The following PVT1 variants were observed in gnomAD, a reference collection of about 807,000 sequenced individuals.
PVT1 encodes the protein Pvt1 oncogene.
At chr8:128,065,644 C>T (rs1330994068) in intron 4 of PVT1, among the ~76,000 whole-genome samples, 2 of 152,150 alleles carry the variant, frequency 1.3e-5, no homozygotes, top group Non-Finnish European at 2.9e-5. Context: ...TAGTATCTGT[C>T]AAGACCAGTC....
chr8:127,969,893 C>T (rs550845897), intron 3 of PVT1, among the ~76,000 whole-genome samples: 2 of 152,212 alleles, frequency 1.3e-5, no homozygotes, highest in South Asian at 4.1e-4. Flanking sequence ...AGCTTGTCTG[C>T]AGAGGACAGA....
At chr8:128,074,519 TAAAA>T (rs35127174) in intron 5 of PVT1, among the ~76,000 whole-genome samples, 2 of 122,838 alleles carry the variant, frequency 1.6e-5, no homozygotes, top group Non-Finnish European at 1.8e-5. Context: ...TGAGACTGTC[TAAAA>T]AAAAAAAAAA....
rs1396452481 is a variant in PVT1 at position 128,093,453 on chromosome 8, A to G, written n.1115-3065A>G. Among the ~76,000 whole-genome samples, 4 of 152,204 alleles carry G rather than the reference A, an allele frequency of 2.6e-5. No homozygotes were observed. In the East Asian group the frequency reaches 7.8e-4, roughly 30 times the overall value. On this transcript the variant is annotated intron_variant and non_coding_transcript_variant, in intron 5 of 10. Transcript: ENST00000651587. ...CTGCCTGTAATCCCAGCTACTCAGGAGGCTGAGGCAGGAGAATCTCTTGAA... is the reference window on the plus strand; with the variant it reads ...CTGCCTGTAATCCCAGCTACTCAGGGGGCTGAGGCAGGAGAATCTCTTGAA...
intron 2 of PVT1, among the ~76,000 whole-genome samples, chr8:127,878,515 T>G (rs971302107): frequency 1.3e-5 from 2 of 152,162 alleles, no homozygotes; most frequent in African/African-American, 2.4e-5. Context: ...CGTTGGTTAT[T>G]GCTTGACATT....
intron 4 of PVT1, among the ~76,000 whole-genome samples, chr8:128,052,122 G>A (rs1813706095): frequency 6.6e-6 from 1 of 152,214 alleles, no homozygotes; most frequent in Non-Finnish European, 1.5e-5. Context: ...TTGGCTGGCA[G>A]GGTCTGAGGG....
intron 4 of PVT1, among the ~76,000 whole-genome samples, chr8:128,023,621 T>A (rs983261291): frequency 2.6e-5 from 4 of 152,348 alleles, no homozygotes; most frequent in Non-Finnish European, 5.9e-5. Context: ...TAAGGATAAA[T>A]TATGTAACTC....
At chr8:127,941,948 G>T (rs1816356124) in intron 3 of PVT1, among the ~76,000 whole-genome samples, 1 of 152,128 alleles carries the variant, frequency 6.6e-6, no homozygotes, top group African/African-American at 2.4e-5. Context: ...CTTCCTCGGG[G>T]CCCTTGGCTC....
intron 3 of PVT1, among the ~76,000 whole-genome samples, chr8:127,945,550 A>T (rs558537307): frequency 6.6e-6 from 1 of 152,282 alleles, no homozygotes; most frequent in African/African-American, 2.4e-5. Flanking sequence ...CAACTGCCCC[A>T]TGCTGAAGGC....
intron 4 of PVT1, among the ~76,000 whole-genome samples, chr8:128,025,024 C>A (rs1295390362): frequency 2.0e-5 from 3 of 152,244 alleles, no homozygotes; most frequent in Non-Finnish European, 4.4e-5. Context: ...CTAGACAACA[C>A]CTCCAAGGAT....
At chr8:128,063,297 T>A (rs575444721) in intron 4 of PVT1, among the ~76,000 whole-genome samples, 63 of 152,126 alleles carry the variant, frequency 4.1e-4, no homozygotes, top group Non-Finnish European at 6.0e-4. Context: ...AGGATCACTT[T>A]AGGTCAGAAG....
chr8:128,018,558 A>C (rs1435161769), intron 4 of PVT1, among the ~76,000 whole-genome samples: 1 of 152,218 alleles, frequency 6.6e-6, no homozygotes, highest in East Asian at 1.9e-4. Flanking sequence ...TAGGTACCGA[A>C]ACGTTCCAGA....
At chr8:127,884,718 A>G (rs1815505145) in intron 2 of PVT1, among the ~76,000 whole-genome samples, 1 of 152,244 alleles carries the variant, frequency 6.6e-6, no homozygotes. Flanking sequence ...TCAGGAGAGA[A>G]AAGAAAATGC....
At chr8:127,820,095 C>T (rs1254497399) in intron 2 of PVT1, among the ~76,000 whole-genome samples, 1 of 152,188 alleles carries the variant, frequency 6.6e-6, no homozygotes, top group African/African-American at 2.4e-5. Context: ...GATGCATCTG[C>T]TGAGCCTGGA....
At chr8:127,865,066 A>G (rs909594858) in intron 2 of PVT1, among the ~76,000 whole-genome samples, 1 of 152,134 alleles carries the variant, frequency 6.6e-6, no homozygotes, top group Non-Finnish European at 1.5e-5. Flanking sequence ...CCAATCCCAC[A>G]TCTCATTCTT....
At chr8:127,902,216 G>A (rs927889358) in intron 3 of PVT1, among the ~76,000 whole-genome samples, 4 of 152,042 alleles carry the variant, frequency 2.6e-5, no homozygotes, top group African/African-American at 7.2e-5. Context: ...CCAACACTCT[G>A]GGAACCTCCT....
chr8:127,811,065 G>A (rs1172404110), intron 2 of PVT1, among the ~76,000 whole-genome samples: 1 of 152,136 alleles, frequency 6.6e-6, no homozygotes, highest in Non-Finnish European at 1.5e-5. Flanking sequence ...ACAGTAAGAA[G>A]TGTCCGGATT....
intron 5 of PVT1, among the ~76,000 whole-genome samples, chr8:128,090,428 T>C (rs1353298083): frequency 1.3e-5 from 2 of 152,158 alleles, no homozygotes; most frequent in African/African-American, 4.8e-5. Flanking sequence ...GAATTGGCAA[T>C]GGAGGGAAGA....
At chr8:127,842,181 T>G (rs1814982021) in intron 2 of PVT1, among the ~76,000 whole-genome samples, 3 of 151,588 alleles carry the variant, frequency 2.0e-5, no homozygotes, top group Non-Finnish European at 4.4e-5. Context: ...CCTCTTTAAA[T>G]TTTTTTTAAG....
chr8:128,079,547 G>A (rs574699421), intron 5 of PVT1, among the ~76,000 whole-genome samples: 1 of 152,174 alleles, frequency 6.6e-6, no homozygotes, highest in East Asian at 1.9e-4. Context: ...ATAGTGTTGT[G>A]TACCTACCAT....
Sources: allele counts gnomAD v4.1 joint callset (sites outside exome capture counted in the v4.1 genomes callset), GRCh38; gene constraint gnomAD v4.1.1; transcripts MANE v1.5; gene names NCBI Gene and HGNC (gene_info 2026-07-23, HGNC 2026-07-21).